The following EXTL3 variants were observed in gnomAD, a reference collection of about 807,000 sequenced individuals.
EXTL3 encodes exostosin like glycosyltransferase 3.
In EXTL3, 27 loss-of-function variants were observed where a neutral mutation model predicts 69.3. That is an observed-to-expected ratio of 0.39 (90% confidence interval 0.29 to 0.54). EXTL3 has a LOEUF of 0.54. Ranked by LOEUF, EXTL3 falls within the 20% of genes least tolerant of loss-of-function variation. The pLI is 0.69. For synonymous variants in EXTL3, 511 were observed against 499.4 expected (o/e 1.02, Z -0.31); for missense variants, 1,003 against 1,231.8 (o/e 0.81, Z 2.78).
In EXTL3 at chr8:28,717,594, G is replaced by A; in HGVS notation, c.1535G>A (p.Gly512Asp). Reference sequence around the variant, plus strand: ...GACCTCCTGGCTATGAGGCGGCAAGGCCGCTTTCTCTGGGAGACTTACTTC... The same window carrying A: ...GACCTCCTGGCTATGAGGCGGCAAGACCGCTTTCTCTGGGAGACTTACTTC... ...DSDLLAMRRQGRFLWETYFST... is the reference protein window; with the variant it reads ...DSDLLAMRRQDRFLWETYFST... Residue 512 changes from glycine (G) to aspartate (D), a missense_variant, in exon 3 of 7, where the codon GGC becomes GAC. Coordinates refer to ENST00000220562, the MANE Select transcript of EXTL3 (RefSeq NM_001440.4). The surrounding 1 kb of genome is among the most constrained non-coding windows in gnomAD (Gnocchi z 8.3). 6.2e-7 allele frequency: 1 copy of A among 1,614,240 alleles called. No individual in the cohort carries two copies. The highest frequency in any genetic ancestry group is 8.5e-7 in the Non-Finnish European group (1 of 1,180,046).
chr8:28,686,448 G>A (rs530756474), intron 1 of EXTL3, among the ~76,000 whole-genome samples: 1 of 152,272 alleles, frequency 6.6e-6, no homozygotes, highest in Non-Finnish European at 1.5e-5. Flanking sequence ...AGAACTTGGT[G>A]TGGGGAAGGG....
intron 1 of EXTL3, among the ~76,000 whole-genome samples, chr8:28,688,961 C>T (rs1228013750): frequency 6.6e-6 from 1 of 152,230 alleles, no homozygotes; most frequent in Non-Finnish European, 1.5e-5. Context: ...ATTTAAGTAA[C>T]ATTGGCTTAA....
At chr8:28,617,711 G>A (rs1302555791) in intron 2 of EXTL3, among the ~76,000 whole-genome samples, 1 of 152,176 alleles carries the variant, frequency 6.6e-6, no homozygotes, top group Admixed American at 6.5e-5. Context: ...TTAAGCCCAG[G>A]AAAATGGAGA....
intron 6 of EXTL3, among the ~76,000 whole-genome samples, chr8:28,749,567 C>T (rs530072723): frequency 6.6e-6 from 1 of 152,326 alleles, no homozygotes; most frequent in Non-Finnish European, 1.5e-5. Flanking sequence ...CCATTTAAAA[C>T]CCAAGTTCAT....
chr8:28,674,399 G>A (rs1440517634), intron 1 of EXTL3, among the ~76,000 whole-genome samples: 1 of 152,212 alleles, frequency 6.6e-6, no homozygotes, highest in East Asian at 1.9e-4. Context: ...GAACATTTTG[G>A]AAAATGAATG....
At chr8:28,735,985 C>T (rs748838737) in intron 4 of EXTL3, among the ~76,000 whole-genome samples, 16 of 152,064 alleles carry the variant, frequency 1.1e-4, no homozygotes, top group East Asian at 1.9e-4. Flanking sequence ...TAGGGGCTGC[C>T]GGGCTGTGGG....
chr8:28,655,961 T>A (rs796356136), intron 1 of EXTL3, among the ~76,000 whole-genome samples: 62 of 152,166 alleles, frequency 4.1e-4, no homozygotes, highest in African/African-American at 1.5e-3. Flanking sequence ...TTAGAAATAA[T>A]AGGAGTTAGT....
Position 28,660,332 on chromosome 8 carries a change from C to T in EXTL3, c.-53+37522C>T, listed in dbSNP as rs376346471. Reference sequence around the variant, plus strand: ...TGAGCTGTGATTGCACTGCGGCACTCCAGCCCGGGCGACAGAGCAGTGAGA... The same window carrying T: ...TGAGCTGTGATTGCACTGCGGCACTTCAGCCCGGGCGACAGAGCAGTGAGA... On this transcript the variant is annotated intron_variant, in intron 1 of 6. Coordinates refer to the EXTL3 transcript ENST00000523149. 3.9e-5 allele frequency among the ~76,000 whole-genome samples: 6 copies of T among 151,940 alleles called. No homozygotes were observed. The South Asian group carries it at 8.3e-4, about 21-fold the overall frequency.
At chr8:28,620,548 A>C (rs1021825932), upstream of EXTL3, among the ~76,000 whole-genome samples, 1 of 152,204 alleles carries the variant, frequency 6.6e-6, no homozygotes, top group African/African-American at 2.4e-5. Flanking sequence ...TTTGGACCGG[A>C]ATCCAGGCAC....
In EXTL3 at chr8:28,741,533, C is replaced by G. The variant is rs569992883; in HGVS notation, c.2422-1553C>G. 5.3e-5 allele frequency: 8 copies of G among 152,280 alleles called. No homozygotes were observed. The East Asian group carries it at 5.8e-4, about 11-fold the overall frequency. The allele number at this position is 152,280 out of a possible 1,614,324, so 9.4% of individuals were successfully genotyped here. ...TGGCACAACCATGGCTCAGTGCAGC[C>G]TAGAACTCCCAGGCTCAAGTGATCT... is the stretch of plus-strand genomic sequence containing the variant. On this transcript the variant is annotated intron_variant, in intron 5 of 6. Coordinates refer to ENST00000220562, the MANE Select transcript of EXTL3 (RefSeq NM_001440.4).
chr8:28,673,300 C>T (rs1272446196), intron 1 of EXTL3, among the ~76,000 whole-genome samples: 1 of 152,172 alleles, frequency 6.6e-6, no homozygotes, highest in African/African-American at 2.4e-5. Context: ...CCAGAATAAA[C>T]ATTATTTCCT....
intron 4 of EXTL3, among the ~76,000 whole-genome samples, chr8:28,733,233 G>A (rs1048690886): frequency 5.3e-5 from 8 of 152,030 alleles, no homozygotes; most frequent in South Asian, 4.2e-4. Flanking sequence ...TGTTTTTCAC[G>A]GTGGCAGCCC....
rs1264115256 is a variant in EXTL3, at chr8:28,719,339, T to C, written c.2148+1132T>C. ...AGGATTCTAGAAAGGTGCTCACTTA[T>C]TTGATTCCTTCTTATCCCTTAATGT... On this transcript the variant is annotated intron_variant, in intron 3 of 6. Coordinates refer to ENST00000220562, the MANE Select transcript of EXTL3 (RefSeq NM_001440.4). Among the ~76,000 whole-genome samples the C allele has an allele frequency of 2.6e-5, 4 of 152,220 alleles. No homozygotes were observed. In the East Asian group the frequency reaches 5.8e-4, roughly 22 times the overall value.
rs1011364299 is a variant in EXTL3, at chr8:28,752,536, T to C, written c.*1670T>C. ...GTACTGTTTTGAAGCTGGGCTCTTT[T>C]GTGTAGCTCCCACCCACCTGTAGGG... On this transcript the variant is annotated 3_prime_UTR_variant, in exon 7 of 7. Transcript: ENST00000220562. 10 of 152,606 alleles carry C rather than the reference T, an allele frequency of 6.6e-5. No individual in the cohort carries two copies. Among genetic ancestry groups the C allele is most frequent in the African/African-American group, 2.4e-4 (10 of 41,424 alleles). 9.5% of individuals were successfully genotyped at this position (152,606 alleles called of 1,614,324 possible). A position where few individuals can be genotyped will look rare whatever the true frequency, so the allele number is the denominator to read the frequency against.
chr8:28,671,603 T>C (rs549053691), intron 1 of EXTL3, among the ~76,000 whole-genome samples: 1 of 152,290 alleles, frequency 6.6e-6, no homozygotes, highest in South Asian at 2.1e-4. Context: ...CCTCCCAAAG[T>C]GCTGGGATTA....
chr8:28,640,237 A>G (rs905821989), intron 1 of EXTL3, among the ~76,000 whole-genome samples: 1 of 152,238 alleles, frequency 6.6e-6, no homozygotes, highest in African/African-American at 2.4e-5. Flanking sequence ...GTACCATAAA[A>G]TGAGATGCAA....
intron 1 of EXTL3, among the ~76,000 whole-genome samples, chr8:28,668,871 T>TTTTTTTTTTC (rs1399867475): frequency 7.3e-6 from 1 of 136,328 alleles, no homozygotes; most frequent in Non-Finnish European, 1.6e-5. Flanking sequence ...ATCTCTTTTT[T>TTTTTTTTTTC]TTTTTTTTTT....
chr8:28,659,552 C>G (rs1807074170), intron 1 of EXTL3, among the ~76,000 whole-genome samples: 1 of 152,116 alleles, frequency 6.6e-6, no homozygotes, highest in South Asian at 2.1e-4. Context: ...GAGAGGAGAG[C>G]CCTTGACCGG....
At chr8:28,613,489 A>G (rs1471120992) in intron 2 of EXTL3, among the ~76,000 whole-genome samples, 2 of 152,050 alleles carry the variant, frequency 1.3e-5, no homozygotes, top group Non-Finnish European at 2.9e-5. Context: ...GCCCTATGCT[A>G]TCTTTTATAG....
Sources: allele counts gnomAD v4.1 joint callset (sites outside exome capture counted in the v4.1 genomes callset), GRCh38; gene constraint gnomAD v4.1.1; non-coding constraint Gnocchi (gnomAD v3.1); transcripts MANE v1.5; gene names NCBI Gene and HGNC (gene_info 2026-07-23, HGNC 2026-07-21).